SPTBN1: variants seen among roughly 807,000 people sequenced by gnomAD.
SPTBN1 encodes spectrin beta chain, non-erythrocytic 1.
SPTBN1 carries 32 observed loss-of-function variants against 266.4 expected under a neutral mutation model. The observed-to-expected ratio is 0.12, with a 90% CI of 0.09 to 0.16. The LOEUF is 0.16. Among genes scored for constraint, SPTBN1 ranks in the 10% least tolerant of loss-of-function variants. SPTBN1 has a pLI of 1.00. For missense variants in SPTBN1, 2,296 were observed against 3,067.1 expected (o/e 0.75, Z 5.94); for synonymous variants, 1,336 against 1,162.2 (o/e 1.15, Z -3.04).
chr2:54,457,156 C>CCCA (rs1693091743), intron 1 of SPTBN1: 1 of 129,682 alleles, frequency 7.7e-6, no homozygotes, highest in East Asian at 3.2e-4. Flanking sequence ...TGCGCCCGCC[C>CCCA]CCCCCCCGCC....
At chr2:54,475,349 A>G (rs559811886) in intron 1 of SPTBN1, among the ~76,000 whole-genome samples, 1 of 152,368 alleles carries the variant, frequency 6.6e-6, no homozygotes, top group Admixed American at 6.5e-5. Flanking sequence ...CCACATTCTT[A>G]CAGAAGCTAA....
chr2:54,479,636 G>C (rs895684955), intron 1 of SPTBN1, among the ~76,000 whole-genome samples: 18 of 152,138 alleles, frequency 1.2e-4, no homozygotes, highest in Admixed American at 8.5e-4. Context: ...ACCTAATCTT[G>C]GTGTCTTGGT....
chr2:54,460,906 G>C (rs1441584660), intron 1 of SPTBN1, among the ~76,000 whole-genome samples: 3 of 152,164 alleles, frequency 2.0e-5, no homozygotes, highest in Non-Finnish European at 4.4e-5. Context: ...GGAGGCTGAG[G>C]CAACAGAATC....
chr2:54,657,373 G>A (rs575915611), intron 29 of SPTBN1, among the ~76,000 whole-genome samples: 1 of 152,216 alleles, frequency 6.6e-6, no homozygotes, highest in Non-Finnish European at 1.5e-5. Context: ...CTTAGCTCAT[G>A]AAGTGGGGCC....
intron 2 of SPTBN1, among the ~76,000 whole-genome samples, chr2:54,593,031 A>G (rs1675792236): frequency 6.6e-6 from 1 of 152,250 alleles, no homozygotes; most frequent in Non-Finnish European, 1.5e-5. Context: ...ACCATCTTAT[A>G]AAATTCCATC....
chr2:54,663,396 C>T (rs911850825), intron 32 of SPTBN1: 1 of 152,202 alleles, frequency 6.6e-6, no homozygotes, highest in African/African-American at 2.4e-5. Context: ...ACTCGCTAAT[C>T]GCACACCCTG....
intron 2 of SPTBN1, among the ~76,000 whole-genome samples, chr2:54,537,909 G>T (rs963637042): frequency 1.3e-5 from 2 of 152,240 alleles, no homozygotes; most frequent in African/African-American, 4.8e-5. Context: ...GTCTAGAGCA[G>T]TGAACTGGAG....
intron 23 of SPTBN1, 83 bp from the exon 24 acceptor site, chr2:54,647,048 C>T: frequency 1.2e-6 from 2 of 1,601,244 alleles, no homozygotes; most frequent in South Asian, 2.2e-5. Context: ...TCCTCCTACC[C>T]TGCTGAGCAG....
At chr2:54,564,300 G>A (rs1673525569) in intron 2 of SPTBN1, among the ~76,000 whole-genome samples, 1 of 152,176 alleles carries the variant, frequency 6.6e-6, no homozygotes, top group Non-Finnish European at 1.5e-5. Flanking sequence ...AGGAGAGTCA[G>A]CCTAAAATCT....
In SPTBN1 at chr2:54,533,600, T is replaced by C. The variant is rs562643342; in HGVS notation, c.148+7034T>C. Among the ~76,000 whole-genome samples, 4 of 152,236 alleles carry C rather than the reference T, an allele frequency of 2.6e-5. No homozygotes were observed. The highest frequency in any genetic ancestry group is 7.2e-5 in the African/African-American group (3 of 41,554). ...AGTTTCGCTCTTGTCACCCAGGCTG[T>C]AGTACGATGGCGCGATCTTGGCTCA... On this transcript the variant is annotated intron_variant, in intron 2 of 35. Transcript: ENST00000356805. The surrounding 1 kb of genome is among the most constrained non-coding windows in gnomAD (Gnocchi z 4.2).
chr2:54,487,073 C>A (rs1668434458), intron 1 of SPTBN1, among the ~76,000 whole-genome samples: 1 of 151,056 alleles, frequency 6.6e-6, no homozygotes, highest in Non-Finnish European at 1.5e-5. Flanking sequence ...AATTCTGAAT[C>A]TGGTTTACTT....
intron 5 of SPTBN1, among the ~76,000 whole-genome samples, chr2:54,616,664 C>T (rs1316972202): frequency 6.6e-6 from 1 of 152,220 alleles, no homozygotes; most frequent in African/African-American, 2.4e-5. Flanking sequence ...GCTTTCTTTG[C>T]ACAGTAAACA....
intron 2 of SPTBN1, among the ~76,000 whole-genome samples, chr2:54,591,486 T>G (rs906432024): frequency 6.6e-5 from 10 of 152,244 alleles, no homozygotes; most frequent in Non-Finnish European, 1.5e-4. Flanking sequence ...TAGAAAATAT[T>G]ACTGGGTTAT....
chr2:54,462,603 G>A (rs1693421337), intron 1 of SPTBN1, among the ~76,000 whole-genome samples: 1 of 152,134 alleles, frequency 6.6e-6, no homozygotes, highest in South Asian at 2.1e-4. Context: ...TTATGGTTTT[G>A]TGGACTGGCT....
intron 17 of SPTBN1, among the ~76,000 whole-genome samples, chr2:54,636,695 T>TG (rs1679166911): frequency 6.6e-6 from 1 of 152,256 alleles, no homozygotes; most frequent in Non-Finnish European, 1.5e-5. Context: ...AGAGACCTTG[T>TG]GCAGGCACAG....
chr2:54,602,799 A>G (rs563513585), intron 3 of SPTBN1, among the ~76,000 whole-genome samples: 4 of 152,344 alleles, frequency 2.6e-5, no homozygotes, highest in South Asian at 2.1e-4. Context: ...TGGAGAAGAT[A>G]GATTTAACAT....
At chr2:54,573,795 A>T (rs1490558214) in intron 2 of SPTBN1, among the ~76,000 whole-genome samples, 1 of 152,188 alleles carries the variant, frequency 6.6e-6, no homozygotes, top group Non-Finnish European at 1.5e-5. Flanking sequence ...CTAGGGCCAC[A>T]GGGGTGTAAT....
intron 1 of SPTBN1, among the ~76,000 whole-genome samples, chr2:54,464,327 A>T (rs898440741): frequency 6.6e-6 from 1 of 152,230 alleles, no homozygotes; most frequent in Non-Finnish European, 1.5e-5. Context: ...GTAGGGTGGA[A>T]TTCAATGTAG....
chr2:54,471,924 A>T (rs541661498), intron 1 of SPTBN1, among the ~76,000 whole-genome samples: 1 of 139,300 alleles, frequency 7.2e-6, no homozygotes, highest in South Asian at 2.2e-4. Flanking sequence ...TTAGCACATT[A>T]TCTGAAACTT....
Sources: allele counts gnomAD v4.1 joint callset (sites outside exome capture counted in the v4.1 genomes callset), GRCh38; gene constraint gnomAD v4.1.1; non-coding constraint Gnocchi (gnomAD v3.1); transcripts MANE v1.5; gene names NCBI Gene and HGNC (gene_info 2026-07-23, HGNC 2026-07-21).